Variants in RASA2 observed in about 807,000 individuals in gnomAD.
The protein encoded by RASA2 is RAS p21 protein activator 2.
A neutral mutation model predicts 118.2 loss-of-function variants in RASA2; 155 were observed. The observed-to-expected ratio is 1.31, with a 90% CI of 1.15 to 1.50. The LOEUF (loss-of-function observed/expected upper bound fraction) is 1.50. Among genes scored for constraint, RASA2 ranks in the 40% most tolerant of loss-of-function variants. RASA2 has a pLI of 0.00. For missense variants in RASA2, 1,016 were observed against 1,009.6 expected (o/e 1.01, Z -0.09); for synonymous variants, 353 against 349.1 (o/e 1.01, Z -0.12).
chr3:141,487,619 G>A (rs1004422867), intron 1 of RASA2, among the ~76,000 whole-genome samples: 1 of 152,132 alleles, frequency 6.6e-6, no homozygotes, highest in Admixed American at 6.5e-5. Flanking sequence ...GCGGGCGCTG[G>A]GGAGTGGCCC....
intron 6 of RASA2, among the ~76,000 whole-genome samples, chr3:141,555,070 T>C (rs548840101): frequency 9.2e-5 from 14 of 152,222 alleles, no homozygotes; most frequent in Non-Finnish European, 1.5e-5. Flanking sequence ...GAGATCAGCC[T>C]GACCAACAAG....
chr3:141,565,265 G>A (rs539789677), intron 9 of RASA2, among the ~76,000 whole-genome samples: 6 of 152,322 alleles, frequency 3.9e-5, no homozygotes, highest in Admixed American at 6.5e-5. Context: ...GATTACAGGC[G>A]GGAGCCACCA....
chr3:141,586,089 T>A lies in RASA2; in HGVS notation c.1817T>A (p.Leu606Gln), dbSNP rs1336217946. The change falls in exon 18 of 24, where the codon CTG becomes CAG. Residue 606 changes from leucine to glutamine, a missense_variant. By Grantham distance (113) the Leu-to-Gln change is moderately radical. Around this residue, in one of 2 missense-constraint regions of RASA2, gnomAD observed 896 missense variants for 836.4 expected, o/e 1.07. Coordinates refer to ENST00000286364, the MANE Select transcript of RASA2 (RefSeq NM_006506.5). ...ESSGTSEPVH[L>Q]KEGEMYKRAQ... is the part of the protein sequence containing the mutation. ...AGTGGTACGAGTGAGCCTGTGCACC[T>A]GAAAGAAGGGTAATTTAATCAAATT... is the stretch of plus-strand genomic sequence containing the variant. 1 of 1,603,334 alleles carries A rather than the reference T, an allele frequency of 6.2e-7. No individual in the cohort carries two copies. Among genetic ancestry groups the A allele is most frequent in the Non-Finnish European group, 8.5e-7 (1 of 1,170,754 alleles).
At position 141,571,397 on chromosome 3, in the gene RASA2, T is replaced by C; in HGVS notation, c.1021-9T>C. ...TGTTTGTGCTTGTTTTCTACCTTTC[T>C]GTATTTAGCCAATATCTGCCTCAGC... On this transcript the variant is annotated splice_polypyrimidine_tract_variant and intron_variant, in intron 10 of 23. Transcript: ENST00000286364. The C allele has an allele frequency of 6.2e-7, 1 of 1,609,344 alleles. No individual in the cohort carries two copies. Among genetic ancestry groups the C allele is most frequent in the Non-Finnish European group, 8.5e-7 (1 of 1,178,386 alleles).
Position 141,568,544 on chromosome 3 carries a change from AC to A in RASA2, c.864-2367del, listed in dbSNP as rs964795062. ...AATAAAGAAAACGTTCCTTAAAAAA[AC>A]AAAAGCATTGATTTGATGACATTGT... On this transcript the variant is annotated intron_variant, in intron 9 of 23. Coordinates refer to ENST00000286364, the MANE Select transcript of RASA2 (RefSeq NM_006506.5). 1.5e-4 allele frequency among the ~76,000 whole-genome samples: 23 copies of A among 152,216 alleles called. 2 individuals are homozygous for A. The highest frequency in any genetic ancestry group is 5.1e-4 in the African/African-American group (21 of 41,582).
At chr3:141,530,004 C>T (rs1189025990) in intron 4 of RASA2, among the ~76,000 whole-genome samples, 2 of 152,114 alleles carry the variant, frequency 1.3e-5, no homozygotes, top group African/African-American at 4.8e-5. Context: ...CATGTATATG[C>T]ATATGTGTAG....
chr3:141,553,627 C>A (rs2082605267), intron 5 of RASA2, among the ~76,000 whole-genome samples: 1 of 152,054 alleles, frequency 6.6e-6, no homozygotes. Context: ...GTGATTGTGG[C>A]ATTCCTGTTT....
chr3:141,556,718 G>C (rs1042401233), intron 7 of RASA2, among the ~76,000 whole-genome samples: 1 of 151,944 alleles, frequency 6.6e-6, no homozygotes, highest in Non-Finnish European at 1.5e-5. Context: ...GGGAAGGTTT[G>C]AAAAAAGGAG....
chr3:141,572,478 T>A, intron 11 of RASA2, 131 bp from the exon 12 acceptor site: 1 of 602,794 alleles, frequency 1.7e-6, no homozygotes, highest in Non-Finnish European at 2.9e-6. Context: ...AAATTGTAGG[T>A]CACTTATGCC....
chr3:141,540,599 C>T lies in RASA2; in HGVS notation c.517C>T (p.Leu173Phe), dbSNP rs745640360. The change falls in exon 5 of 24, where the codon CTT becomes TTT. Residue 173 changes from leucine to phenylalanine, a missense_variant. By Grantham distance (22) the Leu-to-Phe change is conservative. This residue lies in a region of RASA2 where 896 missense variants were observed against 836.4 expected (regional missense o/e 1.07). Transcript: ENST00000286364. Reference protein sequence around the residue: ...ITENGTVCQQLVVHIKACHGL... With the variant: ...ITENGTVCQQFVVHIKACHGL... Reference sequence around the variant, plus strand: ...GGAGAATGGAACTGTATGCCAGCAGCTTGTTGTACAGTAAGCATTTTTTTT... The same window carrying T: ...GGAGAATGGAACTGTATGCCAGCAGTTTGTTGTACAGTAAGCATTTTTTTT... 3 of 1,610,824 alleles carry T rather than the reference C, an allele frequency of 1.9e-6. No homozygotes were observed. The highest frequency in any genetic ancestry group is 3.3e-5 in the Admixed American group (2 of 59,842).
intron 5 of RASA2, among the ~76,000 whole-genome samples, chr3:141,549,010 G>A (rs531432758): frequency 3.5e-4 from 54 of 152,130 alleles, no homozygotes; most frequent in Non-Finnish European, 6.6e-4. Context: ...ATCATCACAG[G>A]CCTCACATGG....
intron 3 of RASA2, among the ~76,000 whole-genome samples, chr3:141,520,656 A>ATG (rs386398097): frequency 6.6e-6 from 1 of 151,878 alleles, no homozygotes; most frequent in Non-Finnish European, 1.5e-5. Context: ...ACATATATAT[A>ATG]TGCACACACA....
Position 141,612,827 on chromosome 3 carries a change from T to A in RASA2, c.*514T>A, listed in dbSNP as rs2083673230. Reference sequence around the variant, plus strand: ...TGTTTTTCCTTTGGTCCATCAGTCATTACAGGTTCCATTCAAGACAGTGAT... The same window carrying A: ...TGTTTTTCCTTTGGTCCATCAGTCAATACAGGTTCCATTCAAGACAGTGAT... On this transcript the variant is annotated 3_prime_UTR_variant, in exon 24 of 24. Transcript: ENST00000286364. The A allele has an allele frequency of 6.6e-6, 1 of 152,528 alleles. No homozygotes were observed. The highest frequency in any genetic ancestry group is 6.5e-5 in the Admixed American group (1 of 15,318). 9.4% of individuals were successfully genotyped at this position (152,528 alleles called of 1,614,324 possible).
At chr3:141,572,055 TATATATACACAC>T (rs1158680946) in intron 11 of RASA2, among the ~76,000 whole-genome samples, 4 of 135,042 alleles carry the variant, frequency 3.0e-5, no homozygotes, top group African/African-American at 1.2e-4. Context: ...TATATATATA[TATATATACACAC>T]ACACACACAC....
At chr3:141,542,518 A>G (rs1421230446) in intron 5 of RASA2, among the ~76,000 whole-genome samples, 2 of 152,148 alleles carry the variant, frequency 1.3e-5, no homozygotes, top group Non-Finnish European at 2.9e-5. Flanking sequence ...CAACTTTAAA[A>G]TTTTGAAATA....
chr3:141,509,310 T>C (rs1559995986), intron 1 of RASA2, among the ~76,000 whole-genome samples: 1 of 152,364 alleles, frequency 6.6e-6, no homozygotes, highest in South Asian at 2.1e-4. Context: ...TGGATAAATA[T>C]CTGATAATGT....
intron 6 of RASA2, among the ~76,000 whole-genome samples, chr3:141,554,624 C>A (rs76612873): frequency 0.071 from 10,773 of 152,208 alleles, 744 homozygotes; most frequent in East Asian, 0.24. Context: ...AGTATTCCCT[C>A]TACACACACA....
At chr3:141,513,921 C>T (rs74795581) in intron 2 of RASA2, among the ~76,000 whole-genome samples, 3,388 of 152,138 alleles carry the variant, frequency 0.022, 132 homozygotes, top group African/African-American at 0.076. Flanking sequence ...TTCGCGTCTT[C>T]ATAGAAGAAT....
At chr3:141,580,087 T>TATATATAG (rs2083085412) in intron 15 of RASA2, among the ~76,000 whole-genome samples, 1 of 66,164 alleles carries the variant, frequency 1.5e-5, no homozygotes, top group Non-Finnish European at 2.7e-5. Flanking sequence ...AAAAAAAAAA[T>TATATATAG]ATATATATAT....
Sources: allele counts gnomAD v4.1 joint callset (sites outside exome capture counted in the v4.1 genomes callset), GRCh38; gene constraint gnomAD v4.1.1; regional missense constraint gnomAD v4.1.1; transcripts MANE v1.5; gene names NCBI Gene and HGNC (gene_info 2026-07-23, HGNC 2026-07-21).